Variants in PHF14 observed in about 807,000 individuals in gnomAD.
The protein encoded by PHF14 is PHD finger protein 14.
In PHF14, 55 loss-of-function variants were observed where a neutral mutation model predicts 117.9. That is an observed-to-expected ratio of 0.47 (90% CI 0.38 to 0.58). PHF14 has a LOEUF of 0.58. Ranked by LOEUF, PHF14 falls within the 20% of genes least tolerant of loss-of-function variation. PHF14 has a pLI of 0.00. For synonymous variants in PHF14, 409 were observed against 368.6 expected, an observed-to-expected ratio of 1.11 and a Z score of -1.26; for missense variants, 978 against 1,122.2, an observed-to-expected ratio of 0.87 and a Z score of 1.84.
At chr7:11,074,907 T>G (rs1360481334) in intron 16 of PHF14, among the ~76,000 whole-genome samples, 1 of 151,942 alleles carries the variant, frequency 6.6e-6, no homozygotes. Context: ...CATTACCCAG[T>G]TCCCAAGCTG....
chr7:10,995,316 A>G (rs555883351), intron 4 of PHF14, among the ~76,000 whole-genome samples: 54 of 150,830 alleles, frequency 3.6e-4, no homozygotes, highest in African/African-American at 1.2e-3. Context: ...GATTAGCTAG[A>G]TACAGAGTGC....
At chr7:11,157,812 A>G (rs527254897) in intron 17 of PHF14, among the ~76,000 whole-genome samples, 4 of 152,202 alleles carry the variant, frequency 2.6e-5, no homozygotes, top group African/African-American at 9.6e-5. Flanking sequence ...AATGAGCTGA[A>G]ATCATAGAAA....
At chr7:11,006,438 G>C in intron 4 of PHF14, 1 of 530,498 alleles carries the variant, frequency 1.9e-6, no homozygotes, top group Non-Finnish European at 3.7e-6. Flanking sequence ...TCAAAGCATT[G>C]TAATCAGGAG....
intron 5 of PHF14, among the ~76,000 whole-genome samples, chr7:11,022,206 C>T (rs1469402666): frequency 6.6e-6 from 1 of 152,072 alleles, no homozygotes; most frequent in Non-Finnish European, 1.5e-5. Flanking sequence ...ATCATTCAAA[C>T]TTTAATAAAT....
At chr7:11,165,661 G>A (rs912325445) in intron 17 of PHF14, among the ~76,000 whole-genome samples, 8 of 152,144 alleles carry the variant, frequency 5.3e-5, no homozygotes, top group African/African-American at 1.7e-4. Context: ...GCCATTGTTA[G>A]GAGTTGGTTA....
In PHF14 at chr7:11,113,507, A is replaced by ATAT. The variant is rs1787509447; in HGVS notation, c.2772+2041_2772+2043dup. ...ACTAACATTTTCAAAATTTTATAAAATATGGTTTCTAATATTGGAATGTCA... is the reference window on the plus strand; with the variant it reads ...ACTAACATTTTCAAAATTTTATAAAATATTATGGTTTCTAATATTGGAATGTCA... On this transcript the variant is annotated intron_variant, in intron 17 of 17. Transcript: ENST00000634607. Among the ~76,000 whole-genome samples the ATAT allele has an allele frequency of 2.0e-5, 3 of 152,200 alleles. No individual in the cohort carries two copies. In the South Asian group the frequency reaches 6.2e-4, roughly 31 times the overall value.
At chr7:11,102,205 C>A (rs1385180931) in intron 16 of PHF14, among the ~76,000 whole-genome samples, 1 of 151,616 alleles carries the variant, frequency 6.6e-6, no homozygotes, top group Non-Finnish European at 1.5e-5. Flanking sequence ...ATATTATTTT[C>A]TTTTTTGCTT....
At chr7:11,088,541 AT>A (rs1352246036) in intron 16 of PHF14, among the ~76,000 whole-genome samples, 1 of 152,084 alleles carries the variant, frequency 6.6e-6, no homozygotes, top group Admixed American at 6.6e-5. Flanking sequence ...TTATAAATGT[AT>A]TTCATTTGTA....
At chr7:11,066,390 G>A (rs1458450964) in intron 16 of PHF14, among the ~76,000 whole-genome samples, 1 of 152,154 alleles carries the variant, frequency 6.6e-6, no homozygotes, top group Non-Finnish European at 1.5e-5. Context: ...CTCCCGAGTA[G>A]CTGAGACTTG....
Position 11,075,444 on chromosome 7 carries a change from C to T in PHF14, c.2654+13359C>T, listed in dbSNP as rs900908165. Among the ~76,000 whole-genome samples the T allele has an allele frequency of 3.3e-5, 5 of 151,744 alleles. No homozygotes were observed. In the East Asian group the frequency reaches 7.8e-4, roughly 24 times the overall value. On this transcript the variant is annotated intron_variant, in intron 16 of 17. Coordinates refer to ENST00000634607, the MANE Select transcript of PHF14 (RefSeq NM_001007157.2). ...GTAAACTTACAATCATGGCAGAAGG[C>T]AAAGGGGGAGCTGGCATATCACATA... is the stretch of plus-strand genomic sequence containing the variant.
At chr7:10,975,234 G>A (rs1310978803) in intron 2 of PHF14, among the ~76,000 whole-genome samples, 1 of 152,154 alleles carries the variant, frequency 6.6e-6, no homozygotes, top group African/African-American at 2.4e-5. Flanking sequence ...ATATTATAGA[G>A]GAAAAAACTG....
At chr7:11,099,794 C>G (rs1787019246) in intron 16 of PHF14, among the ~76,000 whole-genome samples, 1 of 151,906 alleles carries the variant, frequency 6.6e-6, no homozygotes, top group African/African-American at 2.4e-5. Context: ...TGAGAGATTT[C>G]AAAACAAATA....
At chr7:11,051,578 A>G (rs757988302) in intron 13 of PHF14, 34 bp from the exon 14 acceptor site, 1 of 1,561,848 alleles carries the variant, frequency 6.4e-7, no homozygotes, top group Non-Finnish European at 8.7e-7. Flanking sequence ...AGATAATAAT[A>G]AATGCATGAC....
intron 4 of PHF14, among the ~76,000 whole-genome samples, chr7:11,009,164 G>A (rs1022369665): frequency 4.0e-5 from 6 of 151,772 alleles, no homozygotes; most frequent in African/African-American, 7.3e-5. Flanking sequence ...TATATATACC[G>A]AAATATAATT....
intron 17 of PHF14, among the ~76,000 whole-genome samples, chr7:11,163,467 A>G (rs537141157): frequency 5.9e-5 from 9 of 152,240 alleles, no homozygotes; most frequent in Non-Finnish European, 1.3e-4. Context: ...GTGGTCTTCA[A>G]TTGCTCATTC....
At chr7:11,040,624 T>A (rs369951569) in intron 11 of PHF14, 48 bp from the exon 12 acceptor site, 137 of 1,020,718 alleles carry the variant, frequency 1.3e-4, no homozygotes, top group Middle Eastern at 4.3e-4. Context: ...AATGTTGCTT[T>A]TATTTCTTTC....
intron 2 of PHF14, among the ~76,000 whole-genome samples, chr7:10,981,759 T>C (rs1782051078): frequency 6.6e-6 from 1 of 152,244 alleles, no homozygotes; most frequent in African/African-American, 2.4e-5. Context: ...ACTTCCTTTT[T>C]CTGTGCCATT....
intron 13 of PHF14, among the ~76,000 whole-genome samples, chr7:11,048,236 G>A (rs774248915): frequency 2.6e-5 from 4 of 152,134 alleles, no homozygotes; most frequent in Non-Finnish European, 5.9e-5. Context: ...AGCCAGGTAT[G>A]TATTTGACTT....
intron 16 of PHF14, among the ~76,000 whole-genome samples, chr7:11,086,776 T>TG: frequency 6.6e-6 from 1 of 152,298 alleles, no homozygotes; most frequent in Admixed American, 6.5e-5. Flanking sequence ...TGGTAGTTTT[T>TG]GTCATCATTT....
Sources: allele counts gnomAD v4.1 joint callset (sites outside exome capture counted in the v4.1 genomes callset), GRCh38; gene constraint gnomAD v4.1.1; transcripts MANE v1.5; gene names NCBI Gene and HGNC (gene_info 2026-07-23, HGNC 2026-07-21).